The following STAT1 variants were observed in gnomAD, a reference collection of about 807,000 sequenced individuals.
STAT1 encodes signal transducer and activator of transcription 1-alpha/beta.
STAT1 carries 24 observed loss-of-function variants against 111.7 expected under a neutral mutation model. That is an observed-to-expected ratio of 0.21 (90% CI 0.16 to 0.30). The LOEUF (loss-of-function observed/expected upper bound fraction) is 0.30, where lower values mean the gene tolerates loss of function less well. Among genes scored for constraint, STAT1 ranks in the 10% least tolerant of loss-of-function variants. The probability of loss-of-function intolerance (pLI) is 1.00; values close to 1 mark genes in which losing one functional copy is unlikely to be tolerated. For synonymous variants in STAT1, 332 were observed against 326.5 expected (o/e 1.02, Z -0.18); for missense variants, 351 against 911.9 (o/e 0.38, Z 7.92).
intron 10 of STAT1, among the ~76,000 whole-genome samples, chr2:190,992,134 A>G (rs1693404347): frequency 6.6e-6 from 1 of 152,236 alleles, no homozygotes; most frequent in Non-Finnish European, 1.5e-5. Context: ...AATTATATGC[A>G]GAGTATGAAG....
In STAT1 at chr2:191,006,544, T is replaced by A. The variant is rs894240041; in HGVS notation, c.372+1019A>T. 1.3e-5 allele frequency among the ~76,000 whole-genome samples: 2 copies of A among 152,190 alleles called. No individual in the cohort carries two copies. The stretch of plus-strand genomic sequence containing the variant: ...ACACCTAAACTCCCTCCCTCTCCAC[T>A]GTCACACAGTTCACTTCGGTAGTTA... On this transcript the variant is annotated intron_variant, in intron 5 of 24. Coordinates refer to ENST00000361099, the MANE Select transcript of STAT1 (RefSeq NM_007315.4). This position sits in a 1 kb window ranked among gnomAD's most constrained non-coding sequence, Gnocchi z 4.6.
intron 4 of STAT1, 49 bp downstream of exon 4, chr2:191,008,914 T>C (rs1293335798): frequency 6.2e-7 from 1 of 1,601,884 alleles, no homozygotes; most frequent in East Asian, 2.2e-5. Flanking sequence ...AAAACTGCCT[T>C]CCATAAACAT....
In STAT1 at chr2:190,978,772, T is replaced by C; in HGVS notation, c.1873+84A>G. ...CTGCAATTTCATGTCCCAAACGCAC[T>C]ATCTGTATGAGCTGACTGGCGGCGA... On this transcript the variant is annotated intron_variant, in intron 21 of 24. Coordinates refer to ENST00000361099, the MANE Select transcript of STAT1 (RefSeq NM_007315.4). This position sits in a 1 kb window ranked among gnomAD's most constrained non-coding sequence, Gnocchi z 6.1. The C allele has an allele frequency of 6.4e-7, 1 of 1,555,926 alleles. No homozygotes were observed.
At position 190,980,213 on chromosome 2, in the gene STAT1, C is replaced by A. The variant is rs1053247560; in HGVS notation, c.1633-347G>T. ...AGCAGTGCAAGCTGGTCCGCACTGT[C>A]TGGTGACTCCAGCAGAATCTAAATG... On this transcript the variant is annotated intron_variant, in intron 19 of 24. Transcript: ENST00000361099. This position sits in a 1 kb window ranked among gnomAD's most constrained non-coding sequence, Gnocchi z 6.1. 2.0e-5 allele frequency among the ~76,000 whole-genome samples: 3 copies of A among 152,248 alleles called. No individual in the cohort carries two copies. In the South Asian group the frequency reaches 6.2e-4, roughly 31 times the overall value.
chr2:190,980,528 A>C lies in STAT1; in HGVS notation c.1632+92T>G. 6.9e-7 allele frequency: 1 copy of C among 1,450,278 alleles called. No individual in the cohort carries two copies. The highest frequency in any genetic ancestry group is 9.7e-7 in the Non-Finnish European group (1 of 1,031,154). The allele number at this position is 1,450,278 out of a possible 1,614,324, so 89.8% of individuals were successfully genotyped here. A position where few individuals can be genotyped will look rare whatever the true frequency, so the allele number is the denominator to read the frequency against. On this transcript the variant is annotated intron_variant, in intron 19 of 24. Transcript: ENST00000361099. This position sits in a 1 kb window ranked among gnomAD's most constrained non-coding sequence, Gnocchi z 6.1. ...CAGAGAAGAACACGCCAAAATAAGCAAACAGTTAAGTAACTATCACAGCAA... is the reference window on the plus strand; with the variant it reads ...CAGAGAAGAACACGCCAAAATAAGCCAACAGTTAAGTAACTATCACAGCAA...
Position 190,998,187 on chromosome 2 carries a change from G to T in STAT1, c.633+30C>A. On this transcript the variant is annotated intron_variant, in intron 8 of 24. Transcript: ENST00000361099. The surrounding 1 kb of genome is among the most constrained non-coding windows in gnomAD (Gnocchi z 4.1). ...ATTATTTACAGTGTATAACAAAAGT[G>T]GCATGCTATTCTGGAAAGTAAATAA... 6.3e-7 allele frequency: 1 copy of T among 1,591,834 alleles called. No individual in the cohort carries two copies. The highest frequency in any genetic ancestry group is 1.1e-5 in the South Asian group (1 of 90,616).
Position 190,977,085 on chromosome 2 carries a change from G to T in STAT1, c.1874-60C>A, listed in dbSNP as rs1460565543. On this transcript the variant is annotated intron_variant, in intron 21 of 24. Coordinates refer to ENST00000361099, the MANE Select transcript of STAT1 (RefSeq NM_007315.4). This position sits in a 1 kb window ranked among gnomAD's most constrained non-coding sequence, Gnocchi z 4.7. ...ACATCCCAAAATGAAAGAGGACAGA[G>T]AAATAAAACACTGCAGAGTTGATGG... 6.5e-7 allele frequency: 1 copy of T among 1,536,230 alleles called. No homozygotes were observed. Among genetic ancestry groups the T allele is most frequent in the East Asian group, 2.3e-5 (1 of 44,300 alleles).
chr2:191,010,048 C>G, intron 2 of STAT1, 44 bp from the exon 3 acceptor site: 1 of 1,607,952 alleles, frequency 6.2e-7, no homozygotes, highest in Non-Finnish European at 8.5e-7. Context: ...TATATGGAAA[C>G]CATAGCTCCA....
rs539202400 is a variant in STAT1 at position 191,012,187 on chromosome 2, C to T, written c.-2+1338G>A. On this transcript the variant is annotated intron_variant, in intron 2 of 24. Coordinates refer to ENST00000361099, the MANE Select transcript of STAT1 (RefSeq NM_007315.4). The surrounding 1 kb of genome is among the most constrained non-coding windows in gnomAD (Gnocchi z 4.0). ...CAGCACTTTCGGAGGCCAAGGTGGG[C>T]GGATTGCCTGAGCTCCGGAGTTCAA... 1.3e-5 allele frequency among the ~76,000 whole-genome samples: 2 copies of T among 151,812 alleles called. No homozygotes were observed. The highest frequency in any genetic ancestry group is 2.4e-5 in the African/African-American group (1 of 41,416).
chr2:191,001,768 A>G (rs1300752063), intron 5 of STAT1, among the ~76,000 whole-genome samples: 1 of 152,216 alleles, frequency 6.6e-6, no homozygotes. Flanking sequence ...GATAATCAGA[A>G]CACTCAGAAG....
At chr2:191,009,156 G>A in intron 3 of STAT1, 49 bp from the exon 4 acceptor site, 1 of 1,592,532 alleles carries the variant, frequency 6.3e-7, no homozygotes, top group African/African-American at 1.3e-5. Flanking sequence ...AAATGTCTAT[G>A]TAAAACAGAC....
rs1424244831 is a variant in STAT1 at position 191,012,640 on chromosome 2, T to C, written c.-2+885A>G. Among the ~76,000 whole-genome samples, 2 of 152,136 alleles carry C rather than the reference T, an allele frequency of 1.3e-5. No individual in the cohort carries two copies. The highest frequency in any genetic ancestry group is 2.4e-5 in the African/African-American group (1 of 41,416). On this transcript the variant is annotated intron_variant, in intron 2 of 24. Transcript: ENST00000361099. This position sits in a 1 kb window ranked among gnomAD's most constrained non-coding sequence, Gnocchi z 4.0. ...AGTCCAGCCTCTGCTGCCCACAGAT[T>C]GGACCACATCAATCTCCTGTGCAAA...
chr2:190,970,510 G>C lies in STAT1; in HGVS notation c.*193C>G. The C allele has an allele frequency of 1.5e-6, 1 of 673,276 alleles. No homozygotes were observed. The highest frequency in any genetic ancestry group is 2.2e-5 in the Admixed American group (1 of 46,216). The allele number at this position is 673,276 out of a possible 1,614,324, so 41.7% of individuals were successfully genotyped here. A position where few individuals can be genotyped will look rare whatever the true frequency, so the allele number is the denominator to read the frequency against. On this transcript the variant is annotated 3_prime_UTR_variant, in exon 25 of 25. Transcript: ENST00000361099. This position sits in a 1 kb window ranked among gnomAD's most constrained non-coding sequence, Gnocchi z 5.4. The stretch of plus-strand genomic sequence containing the variant: ...CTTTCAATTTTACCTTCAGTAAGAT[G>C]CATGATGCCCTTCAGAGTAACTGAT...
intron 24 of STAT1, among the ~76,000 whole-genome samples, chr2:190,972,092 G>A (rs756753585): frequency 1.6e-4 from 24 of 152,198 alleles, no homozygotes; most frequent in Non-Finnish European, 4.4e-5. Context: ...TAGATAGATA[G>A]AGGAAGAGAG....
Position 190,970,260 on chromosome 2 carries a change from CAT to C in STAT1, c.*441_*442del, listed in dbSNP as rs1691353350. 4.3e-6 allele frequency: 1 copy of C among 231,388 alleles called. No individual in the cohort carries two copies. Among genetic ancestry groups the C allele is most frequent in the South Asian group, 5.9e-5 (1 of 16,870 alleles). 14.3% of individuals were successfully genotyped at this position (231,388 alleles called of 1,614,324 possible). On this transcript the variant is annotated 3_prime_UTR_variant, in exon 25 of 25. Transcript: ENST00000361099. The surrounding 1 kb of genome is among the most constrained non-coding windows in gnomAD (Gnocchi z 5.4). ...CCAGTTACACTTAAAGCAAAGAAAA[CAT>C]GTAAGAATTCTCCCACAGAAATTTA...
At chr2:190,994,996 A>T in intron 10 of STAT1, 65 bp downstream of exon 10, 1 of 1,414,934 alleles carries the variant, frequency 7.1e-7, no homozygotes, top group Non-Finnish European at 9.9e-7. Flanking sequence ...CATCTGAATT[A>T]ACGGTAAAAT....
rs185540191 is a variant in STAT1 at position 191,007,003 on chromosome 2, C to T, written c.372+560G>A. ...CTCCGTGTACAGCATTACCATTTTT[C>T]AAGGGGTTCTAGTAGCTGCTGTAGA... On this transcript the variant is annotated intron_variant, in intron 5 of 24. Coordinates refer to ENST00000361099, the MANE Select transcript of STAT1 (RefSeq NM_007315.4). The surrounding 1 kb of genome is among the most constrained non-coding windows in gnomAD (Gnocchi z 4.2). 3.9e-5 allele frequency among the ~76,000 whole-genome samples: 6 copies of T among 152,268 alleles called. No individual in the cohort carries two copies. Among genetic ancestry groups the T allele is most frequent in the Non-Finnish European group, 8.8e-5 (6 of 68,018 alleles).
In STAT1 at chr2:190,998,701, C is replaced by T. The variant is rs532409700; in HGVS notation, c.542-393G>A. 2.0e-5 allele frequency among the ~76,000 whole-genome samples: 3 copies of T among 150,674 alleles called. No individual in the cohort carries two copies. The East Asian group carries it at 5.8e-4, about 29-fold the overall frequency. On this transcript the variant is annotated intron_variant, in intron 7 of 24. Transcript: ENST00000361099. This position sits in a 1 kb window ranked among gnomAD's most constrained non-coding sequence, Gnocchi z 4.1. ...AAAAACAAAAAAAAAACAAAAAAAA[C>T]TTGTTTTCAGTGACCCATGTAAATC...
chr2:191,011,429 G>A (rs1355556981), intron 2 of STAT1, among the ~76,000 whole-genome samples: 1 of 152,180 alleles, frequency 6.6e-6, no homozygotes, highest in Non-Finnish European at 1.5e-5. Flanking sequence ...GTGTGTGTGT[G>A]TTTAGTAGAC....
Sources: allele counts gnomAD v4.1 joint callset (sites outside exome capture counted in the v4.1 genomes callset), GRCh38; gene constraint gnomAD v4.1.1; non-coding constraint Gnocchi (gnomAD v3.1); transcripts MANE v1.5; gene names NCBI Gene and HGNC (gene_info 2026-07-23, HGNC 2026-07-21).